The following ILRUN variants were observed in gnomAD, a reference collection of about 807,000 sequenced individuals.
ILRUN encodes the protein protein ILRUN.
In ILRUN, 3 loss-of-function variants were observed where a neutral mutation model predicts 33.8. The observed-to-expected ratio is 0.09, with a 90% CI of 0.04 to 0.23. The LOEUF is 0.23. Among genes scored for constraint, ILRUN ranks in the 10% least tolerant of loss-of-function variants. The pLI is 1.00. For missense variants in ILRUN, 210 were observed against 375.1 expected, an observed-to-expected ratio of 0.56 and a Z score of 3.64; for synonymous variants, 124 against 138.9, an observed-to-expected ratio of 0.89 and a Z score of 0.75.
intron 2 of ILRUN, among the ~76,000 whole-genome samples, chr6:34,648,939 C>T (rs986647885): frequency 4.6e-5 from 7 of 152,220 alleles, no homozygotes; most frequent in Non-Finnish European, 1.0e-4. Context: ...CAACCAGAAG[C>T]AGCTGAGATG....
rs80038561 is a variant in ILRUN at position 34,657,872 on chromosome 6, G to C, written c.159-3093C>G. 5.0e-3 allele frequency among the ~76,000 whole-genome samples: 767 copies of C among 152,316 alleles called. 7 individuals carry two copies. Among genetic ancestry groups the C allele is most frequent in the African/African-American group, 0.018 (735 of 41,562 alleles). ...AACAAGTAATTCTTCATGAAATGGAGCTGGCTAAGGTGATGGGAAAGGGAA... is the reference window on the plus strand; with the variant it reads ...AACAAGTAATTCTTCATGAAATGGACCTGGCTAAGGTGATGGGAAAGGGAA... On this transcript the variant is annotated intron_variant, in intron 1 of 4. Transcript: ENST00000374023.
At chr6:34,643,564 A>C (rs1232819681) in intron 3 of ILRUN, among the ~76,000 whole-genome samples, 1 of 152,228 alleles carries the variant, frequency 6.6e-6, no homozygotes, top group African/African-American at 2.4e-5. Flanking sequence ...TAATGTAAAA[A>C]AAAACCTGCA....
rs1763025531 is a variant in ILRUN at position 34,667,269 on chromosome 6, G to C, written c.159-12490C>G. Among the ~76,000 whole-genome samples the C allele has an allele frequency of 2.6e-5, 4 of 151,944 alleles. No homozygotes were observed. The South Asian group carries it at 8.3e-4, about 32-fold the overall frequency. ...ATCTTTCTCAATACCCCCTTTTTTGGATCCTGTATGGCTGAAGGTAAGGCA... is the reference window on the plus strand; with the variant it reads ...ATCTTTCTCAATACCCCCTTTTTTGCATCCTGTATGGCTGAAGGTAAGGCA... On this transcript the variant is annotated intron_variant, in intron 1 of 4. Transcript: ENST00000374023.
At chr6:34,696,212 A>C in intron 1 of ILRUN, 2 of 500,852 alleles carry the variant, frequency 4.0e-6, no homozygotes, top group Admixed American at 3.6e-5. Context: ...GCTCGCCCCC[A>C]CCATCTCCCT....
At chr6:34,600,722 G>A (rs1293654723) in intron 4 of ILRUN, among the ~76,000 whole-genome samples, 2 of 152,196 alleles carry the variant, frequency 1.3e-5, no homozygotes, top group African/African-American at 4.8e-5. Context: ...GCAATAGCTG[G>A]TGGGGGGAAG....
At chr6:34,645,491 C>T (rs886911297) in intron 3 of ILRUN, among the ~76,000 whole-genome samples, 5 of 152,262 alleles carry the variant, frequency 3.3e-5, no homozygotes, top group Admixed American at 2.0e-4. Context: ...TCTCCCACCT[C>T]AGCCTCCCAA....
chr6:34,696,101 A>G (rs948527249), intron 1 of ILRUN, among the ~76,000 whole-genome samples: 1 of 151,820 alleles, frequency 6.6e-6, no homozygotes, highest in East Asian at 1.9e-4. Context: ...AGCCAACACC[A>G]TAACCCTTTT....
chr6:34,607,434 A>C (rs575660184), intron 3 of ILRUN, among the ~76,000 whole-genome samples: 4 of 152,348 alleles, frequency 2.6e-5, no homozygotes, highest in African/African-American at 9.6e-5. Flanking sequence ...GCATTTATCT[A>C]GACAAAATGG....
At chr6:34,618,831 G>A (rs1374962382) in intron 3 of ILRUN, among the ~76,000 whole-genome samples, 1 of 152,196 alleles carries the variant, frequency 6.6e-6, no homozygotes, top group African/African-American at 2.4e-5. Flanking sequence ...TAAGGAAGGA[G>A]AAGAGATGTA....
At chr6:34,613,022 A>G (rs35910687) in intron 3 of ILRUN, among the ~76,000 whole-genome samples, 5,197 of 151,808 alleles carry the variant, frequency 0.034, 141 homozygotes, top group Middle Eastern at 0.068. Flanking sequence ...CAGCCTGGGC[A>G]ACAGTGCGAG....
chr6:34,620,519 G>A (rs768423013), intron 3 of ILRUN, among the ~76,000 whole-genome samples: 1 of 152,156 alleles, frequency 6.6e-6, no homozygotes, highest in Non-Finnish European at 1.5e-5. Flanking sequence ...ACTAAGATGT[G>A]TTAACATTTA....
chr6:34,635,524 C>A (rs113280133), intron 3 of ILRUN, among the ~76,000 whole-genome samples: 1,826 of 134,278 alleles, frequency 0.014, 25 homozygotes, highest in Non-Finnish European at 0.02. Context: ...AGAGTGAGAC[C>A]CTGTCTGAAA....
chr6:34,677,383 T>G (rs1319439187), intron 1 of ILRUN, among the ~76,000 whole-genome samples: 2 of 151,762 alleles, frequency 1.3e-5, no homozygotes, highest in African/African-American at 4.8e-5. Context: ...AAAAAAACAA[T>G]AAATGACTGA....
intron 3 of ILRUN, among the ~76,000 whole-genome samples, chr6:34,635,427 T>C (rs552210103): frequency 1.3e-5 from 2 of 151,288 alleles, no homozygotes; most frequent in East Asian, 2.0e-4. Flanking sequence ...ACTTGAGAGG[T>C]TGAGGTGGGA....
chr6:34,665,918 G>C (rs1382662831), intron 1 of ILRUN, among the ~76,000 whole-genome samples: 1 of 149,636 alleles, frequency 6.7e-6, no homozygotes, highest in African/African-American at 2.5e-5. Context: ...CTGACAGTGT[G>C]CTTCAAAGTA....
chr6:34,614,487 TTATA>T (rs1173926880), intron 3 of ILRUN, among the ~76,000 whole-genome samples: 1 of 140,002 alleles, frequency 7.1e-6, no homozygotes, highest in Non-Finnish European at 1.5e-5. Context: ...TTATATATTA[TTATA>T]TATATTATAT....
intron 3 of ILRUN, chr6:34,617,341 T>C: frequency 3.1e-6 from 1 of 321,580 alleles, no homozygotes; most frequent in Non-Finnish European, 6.0e-6. Context: ...GTCAGTATTA[T>C]GAGCAGGTCT....
chr6:34,596,056 A>AGG (rs544072122), intron 4 of ILRUN: 83 of 443,544 alleles, frequency 1.9e-4, no homozygotes, highest in African/African-American at 1.7e-3. Flanking sequence ...CCTGGCTGGC[A>AGG]GGGGCCAGAA....
At chr6:34,609,974 C>T (rs2744975) in intron 3 of ILRUN, among the ~76,000 whole-genome samples, 37,480 of 151,596 alleles carry the variant, frequency 0.25, 4,729 homozygotes, top group East Asian at 0.33. Flanking sequence ...CTGGCTAACA[C>T]GGTGAAACCC....
Sources: allele counts gnomAD v4.1 joint callset (sites outside exome capture counted in the v4.1 genomes callset), GRCh38; gene constraint gnomAD v4.1.1; transcripts MANE v1.5; gene names NCBI Gene and HGNC (gene_info 2026-07-23, HGNC 2026-07-21).